Variants in LRRK2 observed in about 807,000 individuals in gnomAD.
LRRK2 encodes the protein leucine rich repeat kinase 2.
LRRK2 carries 203 observed loss-of-function variants against 302.6 expected under a neutral mutation model. The observed-to-expected ratio is 0.67, with a 90% CI of 0.60 to 0.75. LRRK2 has a LOEUF of 0.75. LRRK2 is among the 30% of genes least tolerant of loss of function. LRRK2 has a pLI of 0.00. For missense variants in LRRK2, 2,830 were observed against 2,951.0 expected, an observed-to-expected ratio of 0.96 and a Z score of 0.95; for synonymous variants, 1,066 against 1,031.9, an observed-to-expected ratio of 1.03 and a Z score of -0.63.
At chr12:40,361,011 C>T (rs142676420) in intron 47 of LRRK2, among the ~76,000 whole-genome samples, 176 of 152,220 alleles carry the variant, frequency 1.2e-3, no homozygotes, top group Non-Finnish European at 3.4e-4. Flanking sequence ...ACCACTAAAT[C>T]TACTGGCTTT....
intron 26 of LRRK2, 78 bp downstream of exon 26, chr12:40,302,960 A>T (rs544781232): frequency 1.0e-6 from 1 of 989,432 alleles, no homozygotes; most frequent in Admixed American, 1.9e-5. Flanking sequence ...CGATTTAGTC[A>T]TATAGAGGTA....
At chr12:40,349,003 C>A (rs942495992) in intron 43 of LRRK2, among the ~76,000 whole-genome samples, 2 of 151,984 alleles carry the variant, frequency 1.3e-5, no homozygotes, top group Admixed American at 6.6e-5. Context: ...TAGAGCCCAT[C>A]TTTCTTTTAG....
chr12:40,305,467 T>C (rs1944784740), intron 27 of LRRK2, among the ~76,000 whole-genome samples: 1 of 152,122 alleles, frequency 6.6e-6, no homozygotes, highest in Non-Finnish European at 1.5e-5. Context: ...GATAACCAAA[T>C]CCATTTTGTG....
At chr12:40,296,882 A>C (rs912206239) in intron 23 of LRRK2, among the ~76,000 whole-genome samples, 1 of 152,142 alleles carries the variant, frequency 6.6e-6, no homozygotes, top group Non-Finnish European at 1.5e-5. Flanking sequence ...AAATACTTCA[A>C]GCCACCCAGG....
chr12:40,243,902 T>G (rs1941855800), intron 7 of LRRK2, among the ~76,000 whole-genome samples: 3 of 152,106 alleles, frequency 2.0e-5, no homozygotes. Context: ...GTGTCAAAAA[T>G]AGATGTGTAG....
rs58016929 is a variant in LRRK2 at position 40,237,823 on chromosome 12, CAACA to C, written c.437-124_437-121del. ...CATCTAGGGCAGTTAAGTAGTTTATCAACAAACAAACAAACAAACAAACAAGAAA... is the reference window on the plus strand; with the variant it reads ...CATCTAGGGCAGTTAAGTAGTTTATCAACAAACAAACAAACAAACAAGAAA... On this transcript the variant is annotated intron_variant, in intron 4 of 50. Transcript: ENST00000298910. The C allele has an allele frequency of 0.54, 404,285 of 750,922 alleles. 113,096 individuals are homozygous for C. The highest frequency in any genetic ancestry group is 0.6 in the South Asian group (33,699 of 56,604). 46.5% of individuals were successfully genotyped at this position (750,922 alleles called of 1,614,324 possible). A position where few individuals can be genotyped will look rare whatever the true frequency, so the allele number is the denominator to read the frequency against.
intron 40 of LRRK2, among the ~76,000 whole-genome samples, chr12:40,339,202 G>A (rs1470390579): frequency 6.6e-6 from 1 of 152,118 alleles, no homozygotes; most frequent in Non-Finnish European, 1.5e-5. Flanking sequence ...TATAATGTGA[G>A]CCAAAACCAA....
intron 39 of LRRK2, among the ~76,000 whole-genome samples, chr12:40,331,602 A>AG (rs937985999): frequency 6.6e-6 from 1 of 151,834 alleles, no homozygotes; most frequent in African/African-American, 2.4e-5. Flanking sequence ...AATTACAAAA[A>AG]AAAAATCTCA....
chr12:40,235,628 T>G lies in LRRK2; in HGVS notation c.350T>G (p.Leu117Trp), dbSNP rs1941415538. The change falls in exon 4 of 51, where the codon TTG (leucine) becomes TGG (tryptophan). Residue 117 changes from leucine (L) to tryptophan (W), a missense_variant and splice_region_variant. Leu to Trp is a moderately conservative substitution (Grantham distance 61). Around this residue, in one of 3 missense-constraint regions of LRRK2, gnomAD observed 2,121 missense variants for 2,148.0 expected, o/e 0.99. Coordinates refer to ENST00000298910, the MANE Select transcript of LRRK2 (RefSeq NM_198578.4). ...TTGATTTCTGTTTTTAACTCCAGAT[T>G]GATTCTTAAAATGCTAACAGTTCAT... ...NDWEVLGVHQ[L>W]ILKMLTVHNA... 2 of 1,596,222 alleles carry G rather than the reference T, an allele frequency of 1.3e-6. No individual in the cohort carries two copies. Among genetic ancestry groups the G allele is most frequent in the Non-Finnish European group, 1.7e-6 (2 of 1,163,796 alleles).
chr12:40,230,988 A>G (rs555975863), intron 2 of LRRK2, among the ~76,000 whole-genome samples: 2 of 152,256 alleles, frequency 1.3e-5, no homozygotes, highest in East Asian at 3.9e-4. Flanking sequence ...AGAAATCTGG[A>G]GGGAGCCATT....
At chr12:40,354,549 G>C in intron 45 of LRRK2, 57 bp downstream of exon 45, 1 of 1,464,556 alleles carries the variant, frequency 6.8e-7, no homozygotes. Context: ...CGACTGAATT[G>C]TGTGCATAAT....
chr12:40,346,002 T>C (rs1946181585), intron 41 of LRRK2, among the ~76,000 whole-genome samples: 1 of 152,212 alleles, frequency 6.6e-6, no homozygotes, highest in South Asian at 2.1e-4. Flanking sequence ...TACTGCATGG[T>C]ATACATTGTT....
At chr12:40,289,431 C>A (rs1312542205) in intron 20 of LRRK2, among the ~76,000 whole-genome samples, 1 of 150,624 alleles carries the variant, frequency 6.6e-6, no homozygotes, top group Non-Finnish European at 1.5e-5. Context: ...TAACTTTATG[C>A]TGGGATTTTT....
Position 40,243,598 on chromosome 12 carries a change from T to C in LRRK2, c.755T>C (p.Ile252Thr). 6.2e-7 allele frequency: 1 copy of C among 1,612,202 alleles called. No homozygotes were observed. The highest frequency in any genetic ancestry group is 1.3e-5 in the African/African-American group (1 of 74,910). ...AGTGGCAATGTCAGGTGTTATAATA[T>C]TGTGGTGGAAGCTATGAAAGCATTC... Reference protein sequence around the residue: ...LMSGNVRCYNIVVEAMKAFPM... With the variant: ...LMSGNVRCYNTVVEAMKAFPM... Residue 252 changes from isoleucine (I) to threonine (T), a missense_variant, in exon 7 of 51, where the codon ATT (isoleucine) becomes ACT (threonine). By Grantham distance (89) the Ile-to-Thr change is moderately conservative. Transcript: ENST00000298910.
At position 40,359,414 on chromosome 12, in the gene LRRK2, A is replaced by C. The variant is rs778198747; in HGVS notation, c.6998A>C (p.Gln2333Pro). ...TCCTTTTCTAATGATTTCACCATTC[A>C]GAAACTCATTGAGACAAGAACAAGC... The part of the protein sequence containing the change: ...IFSFSNDFTI[Q>P]KLIETRTSQL... The change falls in exon 47 of 51, where the codon CAG (glutamine) becomes CCG (proline). Residue 2333 changes from glutamine to proline, a missense_variant. Coordinates refer to ENST00000298910, the MANE Select transcript of LRRK2 (RefSeq NM_198578.4). 1 of 1,613,390 alleles carries C rather than the reference A, an allele frequency of 6.2e-7. No individual in the cohort carries two copies. The highest frequency in any genetic ancestry group is 1.1e-5 in the South Asian group (1 of 91,058).
intron 20 of LRRK2, among the ~76,000 whole-genome samples, chr12:40,290,670 ATTTG>A: frequency 6.6e-6 from 1 of 152,170 alleles, no homozygotes; most frequent in African/African-American, 2.4e-5. Context: ...TGCCAAATTT[ATTTG>A]TTTAATGTTA....
intron 32 of LRRK2, among the ~76,000 whole-genome samples, chr12:40,314,577 C>T (rs527832061): frequency 1.4e-4 from 21 of 152,072 alleles, no homozygotes; most frequent in African/African-American, 4.3e-4. Flanking sequence ...CTAACTGGGA[C>T]GCTTGGAGAG....
At chr12:40,312,157 G>A (rs1240709422) in intron 31 of LRRK2, among the ~76,000 whole-genome samples, 3 of 152,060 alleles carry the variant, frequency 2.0e-5, no homozygotes, top group Non-Finnish European at 4.4e-5. Context: ...TCATTAAGCT[G>A]TATTAATACT....
intron 40 of LRRK2, among the ~76,000 whole-genome samples, chr12:40,336,469 A>G (rs1041055698): frequency 2.0e-5 from 3 of 152,164 alleles, no homozygotes; most frequent in South Asian, 4.1e-4. Context: ...CTTGTTTGCC[A>G]TTGTATCTCT....
Sources: gnomAD v4.1 joint callset for allele counts (sites outside exome capture counted in the v4.1 genomes callset) on GRCh38, gnomAD v4.1.1 for gene constraint, gnomAD v4.1.1 regional missense constraint, MANE v1.5 for transcripts, NCBI Gene and HGNC (gene_info 2026-07-23, HGNC 2026-07-21) for gene names.